The following PHLDB2 variants were observed in gnomAD, a reference collection of about 807,000 sequenced individuals.
PHLDB2 encodes pleckstrin homology like domain family B member 2, also known as pleckstrin homology-like domain family B member 2.
A neutral mutation model predicts 123.6 loss-of-function variants in PHLDB2; 71 were observed. The ratio of observed to expected loss-of-function variants is 0.57; its 90% CI spans 0.47 to 0.70. The LOEUF (loss-of-function observed/expected upper bound fraction) is 0.70, where lower values mean the gene tolerates loss of function less well. Among genes scored for constraint, PHLDB2 ranks in the 30% least tolerant of loss-of-function variants. The probability of loss-of-function intolerance (pLI) is 0.00; values close to 1 mark genes in which losing one functional copy is unlikely to be tolerated. For missense variants in PHLDB2, 1,446 were observed against 1,519.5 expected, an observed-to-expected ratio of 0.95 and a Z score of 0.80; for synonymous variants, 547 against 541.6, an observed-to-expected ratio of 1.01 and a Z score of -0.14.
At chr3:111,920,209 TG>T in intron 4 of PHLDB2, 72 bp from the exon 5 acceptor site, 1 of 1,501,406 alleles carries the variant, frequency 6.7e-7, no homozygotes, top group Non-Finnish European at 8.9e-7. Flanking sequence ...CTGTTGCAAA[TG>T]TATCTCTAGG....
rs867749784 is a variant in PHLDB2, at chr3:111,757,604, C to G, written c.-49+24901C>G. On this transcript the variant is annotated intron_variant, in intron 1 of 17. Transcript: ENST00000393923. ...AGTCATTCTCCATCCAGCTTTGTTC[C>G]GTTGCTGGTGAGGAGCTGCGTTCCT... 9.8e-5 allele frequency among the ~76,000 whole-genome samples: 15 copies of G among 152,344 alleles called. No individual in the cohort carries two copies. In the South Asian group the frequency reaches 2.7e-3, roughly 27 times the overall value.
intron 1 of PHLDB2, among the ~76,000 whole-genome samples, chr3:111,756,787 C>G (rs1339219845): frequency 1.3e-5 from 2 of 152,146 alleles, no homozygotes; most frequent in East Asian, 3.9e-4. Context: ...TGGCTGGTAC[C>G]TGTTGTTCCT....
intron 2 of PHLDB2, among the ~76,000 whole-genome samples, chr3:111,910,497 C>T (rs753571409): frequency 1.1e-4 from 16 of 152,258 alleles, no homozygotes; most frequent in Admixed American, 7.2e-4. Flanking sequence ...TTAGGTGAAG[C>T]TTCAAAGAAA....
In PHLDB2 at chr3:111,884,121, A is replaced by G. The variant is rs2066065678; in HGVS notation, c.44A>G (p.Asn15Ser). 1 of 1,614,008 alleles carries G rather than the reference A, an allele frequency of 6.2e-7. No individual in the cohort carries two copies. Among genetic ancestry groups the G allele is most frequent in the African/African-American group, 1.3e-5 (1 of 74,926 alleles). ...ATACAAAAGGAGCTAGATTTACAAA[A>G]TGGTAGCTTAGAGGAAGACTCTGTG... is the stretch of plus-strand genomic sequence containing the variant. ...SYIQKELDLQ[N>S]GSLEEDSVVH... The change falls in exon 2 of 18, where the codon AAT becomes AGT. Residue 15 changes from asparagine to serine, a missense_variant. Physicochemically the swap from Asn to Ser is conservative, Grantham distance 46 (BLOSUM62 1). Coordinates refer to ENST00000431670, the MANE Select transcript of PHLDB2 (RefSeq NM_001134438.2).
intron 2 of PHLDB2, among the ~76,000 whole-genome samples, chr3:111,897,805 TGGGAGAAAGG>T (rs1219625831): frequency 6.6e-6 from 1 of 152,192 alleles, no homozygotes; most frequent in East Asian, 1.9e-4. Context: ...CAAGTTGTCT[TGGGAGAAAGG>T]AAAATATTCA....
intron 1 of PHLDB2, among the ~76,000 whole-genome samples, chr3:111,875,991 T>C (rs543245271): frequency 1.3e-5 from 2 of 152,190 alleles, no homozygotes; most frequent in African/African-American, 4.8e-5. Context: ...GTAAGTTAAG[T>C]CACTGGTAAA....
chr3:111,867,511 A>C (rs948727643), intron 1 of PHLDB2, among the ~76,000 whole-genome samples: 4 of 152,172 alleles, frequency 2.6e-5, no homozygotes, highest in Admixed American at 2.6e-4. Flanking sequence ...TGTAAACCTC[A>C]CTTTACCCTA....
chr3:111,854,877 C>T (rs2064412462), upstream of PHLDB2, among the ~76,000 whole-genome samples: 1 of 152,160 alleles, frequency 6.6e-6, no homozygotes, highest in Non-Finnish European at 1.5e-5. Flanking sequence ...AGTCAAGACA[C>T]ATAAACTAAA....
chr3:111,859,636 A>T (rs2064695317), intron 1 of PHLDB2, 60 bp downstream of exon 1: 3 of 984,992 alleles, frequency 3.0e-6, no homozygotes, highest in Non-Finnish European at 3.6e-6. Context: ...GTGTGCCAGG[A>T]GTGCGTCCCG....
intron 1 of PHLDB2, among the ~76,000 whole-genome samples, chr3:111,736,659 A>G (rs1219172159): frequency 1.3e-5 from 2 of 152,204 alleles, no homozygotes; most frequent in African/African-American, 2.4e-5. Flanking sequence ...AAAATGCCAA[A>G]TGACTACACA....
Position 111,939,501 on chromosome 3 carries a change from C to T in PHLDB2, c.2157C>T (p.Ser719=). Residue 719 remains serine, a synonymous_variant, in exon 7 of 18, where the codon AGC becomes AGT. Transcript: ENST00000431670. The part of the protein sequence containing the change: ...KRDADLLDVE[S]KHFEDLEFQQ... ...ATGCTGACCTGTTGGATGTTGAAAG[C>T]AAACACTTTGAAGACCTGGAGTTCC... 2 of 1,612,752 alleles carry T rather than the reference C, an allele frequency of 1.2e-6. No individual in the cohort carries two copies. The highest frequency in any genetic ancestry group is 1.7e-6 in the Non-Finnish European group (2 of 1,179,500).
chr3:111,797,588 T>C (rs529172146), intron 1 of PHLDB2, among the ~76,000 whole-genome samples: 1 of 152,240 alleles, frequency 6.6e-6, no homozygotes, highest in African/African-American at 2.4e-5. Context: ...TTTGCTACCA[T>C]CTGTGTCTTT....
intron 1 of PHLDB2, among the ~76,000 whole-genome samples, chr3:111,785,194 CAT>C (rs1002932266): frequency 4.3e-4 from 66 of 152,218 alleles, no homozygotes; most frequent in African/African-American, 6.5e-4. Flanking sequence ...CATTTCATCA[CAT>C]GTTTGTGAGC....
At chr3:111,832,570 A>T (rs1476365621) in intron 1 of PHLDB2, among the ~76,000 whole-genome samples, 1 of 146,928 alleles carries the variant, frequency 6.8e-6, no homozygotes, top group Non-Finnish European at 1.5e-5. Context: ...TTATATATAT[A>T]TAATGCCATT....
intron 6 of PHLDB2, among the ~76,000 whole-genome samples, chr3:111,938,752 T>C (rs1250365116): frequency 6.6e-6 from 1 of 152,174 alleles, no homozygotes; most frequent in Non-Finnish European, 1.5e-5. Context: ...TTGTTTTCTA[T>C]GAAAAATTGA....
chr3:111,852,980 G>A (rs2108613225), intron 2 of PHLDB2, among the ~76,000 whole-genome samples: 1 of 152,232 alleles, frequency 6.6e-6, no homozygotes, highest in Non-Finnish European at 1.5e-5. Context: ...TTAAACTTGA[G>A]GAGACAAAAA....
At chr3:111,873,528 A>G (rs980743362) in intron 1 of PHLDB2, among the ~76,000 whole-genome samples, 2 of 152,180 alleles carry the variant, frequency 1.3e-5, no homozygotes, top group East Asian at 1.9e-4. Context: ...ACCTTTGAGT[A>G]TTCATTTTGA....
At chr3:111,805,096 C>T (rs1469973155) in intron 1 of PHLDB2, among the ~76,000 whole-genome samples, 1 of 151,974 alleles carries the variant, frequency 6.6e-6, no homozygotes. Context: ...GTTAAACATA[C>T]GTGTGCCTTG....
chr3:111,876,818 G>T (rs1415480704), intron 1 of PHLDB2, among the ~76,000 whole-genome samples: 1 of 152,112 alleles, frequency 6.6e-6, no homozygotes. Flanking sequence ...AGAACATGCC[G>T]TGTTTGGTTT....
Sources: gnomAD v4.1 joint callset for allele counts (sites outside exome capture counted in the v4.1 genomes callset) on GRCh38, gnomAD v4.1.1 for gene constraint, MANE v1.5 for transcripts, NCBI Gene and HGNC (gene_info 2026-07-23, HGNC 2026-07-21) for gene names.